Variants in FANCA observed in about 807,000 individuals in gnomAD.
FANCA encodes the protein Fanconi anemia group A protein.
In FANCA, 236 loss-of-function variants were observed where a neutral mutation model predicts 194.3. The observed-to-expected ratio is 1.21, with a 90% CI of 1.09 to 1.35. The LOEUF is 1.35. Among genes scored for constraint, FANCA ranks in the 40% most tolerant of loss-of-function variants. The pLI, the probability that FANCA is intolerant of heterozygous loss-of-function variation, is 0.00. For synonymous variants in FANCA, 1,014 were observed against 715.8 expected, an observed-to-expected ratio of 1.42 and a Z score of -6.65; for missense variants, 2,628 against 1,813.9, an observed-to-expected ratio of 1.45 and a Z score of -8.15.
chr16:89,800,395 C>G (rs1198610678), intron 8 of FANCA, among the ~76,000 whole-genome samples: 1 of 152,210 alleles, frequency 6.6e-6, no homozygotes, highest in Admixed American at 6.5e-5. Context: ...CTTCCTCAAA[C>G]AAAGCCCACA....
chr16:89,745,003 G>A lies in FANCA; in HGVS notation c.3582C>T (p.Pro1194=), dbSNP rs2143087454. 1 of 1,611,240 alleles carries A rather than the reference G, an allele frequency of 6.2e-7. No homozygotes were observed. The highest frequency in any genetic ancestry group is 8.5e-7 in the Non-Finnish European group (1 of 1,179,892). The change falls in exon 36 of 43, where the codon CCC becomes CCT. Residue 1194 remains proline, a synonymous_variant. Transcript: ENST00000389301. ...CTTCTTGTAGCTTCTGCAGTTCCCG[G>A]GGCAGCGGGCTCTGGCAGTGTCTCC... The part of the protein sequence containing the change: ...RWRRHCQSPL[P]RELQKLQEGR...
chr16:89,805,301 C>T lies in FANCA; in HGVS notation c.688G>A (p.Val230Ile), dbSNP rs144560850. ...QMEASCQHAD[V>I]ARAMLSDFVQ... ...GCACCAGAAAGCATGGCCCTGGCGA[C>T]GTCAGCATGCTGGCAGGATGCTTCC... Residue 230 changes from valine (V) to isoleucine (I), a missense_variant, in exon 7 of 43, where the codon GTC becomes ATC. Coordinates refer to ENST00000389301, the MANE Select transcript of FANCA (RefSeq NM_000135.4). 1.4e-4 allele frequency: 233 copies of T among 1,613,616 alleles called. 1 individual carries two copies. Among genetic ancestry groups the T allele is most frequent in the Middle Eastern group, 8.2e-4 (5 of 6,084 alleles).
chr16:89,739,789 G>A, intron 39 of FANCA: 1 of 1,467,246 alleles, frequency 6.8e-7, no homozygotes, highest in East Asian at 2.5e-5. Context: ...CCCCATGATA[G>A]GCCCATTGGT....
intron 37 of FANCA, among the ~76,000 whole-genome samples, chr16:89,741,513 TTG>T (rs1436267784): frequency 2.0e-5 from 3 of 152,202 alleles, no homozygotes; most frequent in African/African-American, 7.2e-5. Flanking sequence ...TCCAGCTCTC[TTG>T]TGGGATGCTT....
intron 10 of FANCA, chr16:89,798,359 G>C: frequency 9.6e-7 from 1 of 1,038,090 alleles, no homozygotes; most frequent in South Asian, 4.5e-5. Flanking sequence ...AAACATTCAG[G>C]AAATCACACA....
chr16:89,752,039 G>A (rs1271076306), intron 31 of FANCA, 99 bp downstream of exon 31: 2 of 1,050,454 alleles, frequency 1.9e-6, no homozygotes, highest in Non-Finnish European at 3.0e-6. Flanking sequence ...CAAAGTTCTG[G>A]GATTACAGGC....
At chr16:89,755,916 C>T (rs1372972797) in intron 30 of FANCA, among the ~76,000 whole-genome samples, 1 of 149,658 alleles carries the variant, frequency 6.7e-6, no homozygotes, top group African/African-American at 2.5e-5. Flanking sequence ...CGGCACGGCC[C>T]ACCGCGCAGA....
chr16:89,792,768 G>A (rs1033453269), intron 11 of FANCA: 6 of 488,198 alleles, frequency 1.2e-5, no homozygotes, highest in African/African-American at 7.9e-5. Context: ...CTGAATGTCT[G>A]GTTGTGCTGT....
chr16:89,744,930 G>T, intron 36 of FANCA, 29 bp downstream of exon 36: 1 of 1,594,696 alleles, frequency 6.3e-7, no homozygotes, highest in Non-Finnish European at 8.6e-7. Context: ...ATCTGGGCGG[G>T]CACACCCCAT....
At position 89,773,278 on chromosome 16, in the gene FANCA, C is replaced by T. The variant is rs1194135582; in HGVS notation, c.2007G>A (p.Gln669=). 2 of 1,550,540 alleles carry T rather than the reference C, an allele frequency of 1.3e-6. No homozygotes were observed. Among genetic ancestry groups the T allele is most frequent in the Admixed American group, 2.0e-5 (1 of 50,994 alleles). Residue 669 remains glutamine (Q), a synonymous_variant, in exon 22 of 43, where the codon CAG becomes CAA. Transcript: ENST00000389301. ...ELRASMTDPS[Q]RDVISAQVAV... is the part of the protein sequence containing the mutation. ...GCTCCCATCCATCCTCACCATCACG[C>T]TGGCTGGGGTCTGTCATGGAGGCTC...
chr16:89,774,215 T>A (rs1051885854), intron 21 of FANCA, among the ~76,000 whole-genome samples: 2 of 152,084 alleles, frequency 1.3e-5, no homozygotes, highest in African/African-American at 2.4e-5. Flanking sequence ...AATCACAGGC[T>A]CTAGAAATCA....
At chr16:89,802,654 C>T (rs552055376) in intron 8 of FANCA, among the ~76,000 whole-genome samples, 4 of 152,092 alleles carry the variant, frequency 2.6e-5, no homozygotes, top group African/African-American at 9.7e-5. Flanking sequence ...CCGCCCGCCT[C>T]GTCCTCCCAA....
Position 89,795,310 on chromosome 16 carries a change from ATAAATAAATAAATAAAATAAAGATATTTC to A in FANCA, c.1006+567_1006+595del, listed in dbSNP as rs1448389899. 1.6e-3 allele frequency among the ~76,000 whole-genome samples: 248 copies of A among 151,214 alleles called. 1 individual carries two copies. The highest frequency in any genetic ancestry group is 5.3e-3 in the African/African-American group (220 of 41,322). Reference sequence around the variant, plus strand: ...AATAAATAAATAAATAAATAAATAAATAAATAAATAAATAAAATAAAGATATTTCTATTTTACGCTGGGTGCGGTGGCTC... The same window carrying A: ...AATAAATAAATAAATAAATAAATAAATATTTTACGCTGGGTGCGGTGGCTC... On this transcript the variant is annotated intron_variant, in intron 11 of 42. Coordinates refer to ENST00000389301, the MANE Select transcript of FANCA (RefSeq NM_000135.4).
intron 20 of FANCA, among the ~76,000 whole-genome samples, chr16:89,776,159 CTTTTTTT>C (rs3069458): frequency 0.2 from 18,738 of 92,262 alleles, 957 homozygotes; most frequent in African/African-American, 0.27. Flanking sequence ...CTTTGTTTTT[CTTTTTTT>C]TTTTTTTTTT....
At chr16:89,758,246 A>G (rs767330971) in intron 30 of FANCA, among the ~76,000 whole-genome samples, 1 of 152,212 alleles carries the variant, frequency 6.6e-6, no homozygotes, top group Non-Finnish European at 1.5e-5. Flanking sequence ...TAGATTTGCT[A>G]TGTGATAGGC....
At chr16:89,743,166 T>A (rs2062175924) in intron 36 of FANCA, among the ~76,000 whole-genome samples, 1 of 152,200 alleles carries the variant, frequency 6.6e-6, no homozygotes, top group Non-Finnish European at 1.5e-5. Context: ...TGAGAGCTGC[T>A]GACTGAGCAG....
intron 26 of FANCA, among the ~76,000 whole-genome samples, chr16:89,767,586 G>C (rs1007525087): frequency 1.3e-5 from 2 of 151,810 alleles, no homozygotes; most frequent in African/African-American, 4.8e-5. Flanking sequence ...GTCTTGCTCT[G>C]TTGCCAAGCC....
chr16:89,801,986 G>C (rs374101616), intron 8 of FANCA, among the ~76,000 whole-genome samples: 1 of 152,134 alleles, frequency 6.6e-6, no homozygotes, highest in African/African-American at 2.4e-5. Flanking sequence ...TCAGCCAGCT[G>C]AAGAGACATC....
At position 89,758,686 on chromosome 16, in the gene FANCA, C is replaced by T; in HGVS notation, c.2872G>A (p.Ala958Thr). Residue 958 changes from alanine to threonine, a missense_variant, in exon 30 of 43, where the codon GCG (alanine) becomes ACG (threonine). By Grantham distance (58) the Ala-to-Thr change is moderately conservative. Transcript: ENST00000389301. ...DTERQDFHQW[A>T]IHEHFLPESS... ...TCAGGGAGAAAGTGCTCATGGATCG[C>T]CCACTGGTGGAAGTCCTGCCTAGAA... The T allele has an allele frequency of 6.2e-7, 1 of 1,613,888 alleles. No homozygotes were observed. Among genetic ancestry groups the T allele is most frequent in the Non-Finnish European group, 8.5e-7 (1 of 1,179,838 alleles).
Sources: allele counts gnomAD v4.1 joint callset (sites outside exome capture counted in the v4.1 genomes callset), GRCh38; gene constraint gnomAD v4.1.1; transcripts MANE v1.5; gene names NCBI Gene and HGNC (gene_info 2026-07-23, HGNC 2026-07-21).